The following CLASP2 variants were observed in gnomAD, a reference collection of about 807,000 sequenced individuals.
CLASP2 encodes the protein CLIP-associating protein 2.
In CLASP2, 47 loss-of-function variants were observed where a neutral mutation model predicts 194.4. The observed-to-expected ratio is 0.24, with a 90% confidence interval of 0.19 to 0.31. The LOEUF is 0.31. Ranked by LOEUF, CLASP2 falls within the 10% of genes least tolerant of loss-of-function variation. The probability of loss-of-function intolerance (pLI) is 1.00; values close to 1 mark genes in which losing one functional copy is unlikely to be tolerated. For missense variants in CLASP2, 1,445 were observed against 1,823.6 expected (o/e 0.79, Z 3.78); for synonymous variants, 619 against 633.5 (o/e 0.98, Z 0.34).
At chr3:33,577,209 C>G in intron 23 of CLASP2, 1 of 1,596,812 alleles carries the variant, frequency 6.3e-7, no homozygotes. Flanking sequence ...CACCTGAGGC[C>G]CCATACACTT....
intron 25 of CLASP2, among the ~76,000 whole-genome samples, chr3:33,571,493 G>A (rs937948174): frequency 6.6e-6 from 1 of 151,854 alleles, no homozygotes; most frequent in East Asian, 2.0e-4. Flanking sequence ...AGCTGCGCTG[G>A]TCATGGTGGC....
At chr3:33,687,184 A>G (rs1276104422) in intron 4 of CLASP2, 49 bp from the exon 5 acceptor site, 1 of 1,197,050 alleles carries the variant, frequency 8.4e-7, no homozygotes, top group Non-Finnish European at 1.2e-6. Context: ...TTTAATAAAC[A>G]GTAAACAAAA....
chr3:33,517,291 G>C, intron 34 of CLASP2, 117 bp from the exon 35 acceptor site: 1 of 793,872 alleles, frequency 1.3e-6, no homozygotes, highest in Non-Finnish European at 1.8e-6. Flanking sequence ...CTGTAAAAAA[G>C]ACAAAGAAAA....
intron 36 of CLASP2, among the ~76,000 whole-genome samples, chr3:33,513,872 G>T (rs2154096106): frequency 6.6e-6 from 1 of 152,174 alleles, no homozygotes; most frequent in Middle Eastern, 3.4e-3. Context: ...TATATATTAT[G>T]GATATTAGTA....
intron 2 of CLASP2, among the ~76,000 whole-genome samples, chr3:33,692,192 A>G (rs987737180): frequency 2.6e-5 from 4 of 152,098 alleles, no homozygotes; most frequent in Non-Finnish European, 4.4e-5. Context: ...ATAAATAAAT[A>G]AATATCTATA....
At position 33,604,192 on chromosome 3, in the gene CLASP2, T is replaced by G; in HGVS notation, c.1712A>C (p.Lys571Thr). The G allele has an allele frequency of 1.3e-6, 2 of 1,560,304 alleles. No individual in the cohort carries two copies. Among genetic ancestry groups the G allele is most frequent in the Non-Finnish European group, 1.7e-6 (2 of 1,151,020 alleles). ...QESLNRPFSS[K>T]WSTANPSTVA... ...AGTTGATGGATTTGCTGTAGACCATTTGGAAGAAAAAGGGCGACTGCAAAG... is the reference window on the plus strand; with the variant it reads ...AGTTGATGGATTTGCTGTAGACCATGTGGAAGAAAAAGGGCGACTGCAAAG... The change falls in exon 17 of 39, where the codon AAA becomes ACA. Residue 571 changes from lysine to threonine, a missense_variant. This residue lies in a region of CLASP2 where 174 missense variants were observed against 179.0 expected (regional missense o/e 0.97). Transcript: ENST00000682230.
At chr3:33,657,987 A>C (rs1170504186) in intron 7 of CLASP2, among the ~76,000 whole-genome samples, 1 of 152,190 alleles carries the variant, frequency 6.6e-6, no homozygotes, top group African/African-American at 2.4e-5. Flanking sequence ...CTGGCAAAAA[A>C]ACACTCAAAA....
At chr3:33,513,302 G>A (rs1263970990) in intron 36 of CLASP2, among the ~76,000 whole-genome samples, 1 of 152,172 alleles carries the variant, frequency 6.6e-6, no homozygotes, top group Non-Finnish European at 1.5e-5. Flanking sequence ...ACTCTGGGAG[G>A]CCAAGCCAGG....
At chr3:33,570,988 C>A (rs964176105) in intron 25 of CLASP2, among the ~76,000 whole-genome samples, 198 bp from the exon 26 acceptor site, 2 of 147,304 alleles carry the variant, frequency 1.4e-5, no homozygotes, top group African/African-American at 5.0e-5. Context: ...TCAGCATGGG[C>A]AAGATGGCAA....
At chr3:33,538,120 G>A (rs954966097) in intron 33 of CLASP2, among the ~76,000 whole-genome samples, 17 of 146,482 alleles carry the variant, frequency 1.2e-4, no homozygotes, top group African/African-American at 1.8e-4. Flanking sequence ...CAGCCTGGGC[G>A]ACAGAGCGAG....
chr3:33,590,832 T>G (rs1051976196), intron 21 of CLASP2, among the ~76,000 whole-genome samples: 6 of 152,154 alleles, frequency 3.9e-5, no homozygotes, highest in Non-Finnish European at 8.8e-5. Flanking sequence ...GACATCCATA[T>G]CCTAATAAAT....
rs1341580091 is a variant in CLASP2, at chr3:33,684,369, G to A, written c.634C>T (p.Pro212Ser). 1.5e-5 allele frequency: 24 copies of A among 1,580,350 alleles called. No homozygotes were observed. Among genetic ancestry groups the A allele is most frequent in the Admixed American group, 1.8e-5 (1 of 56,198 alleles). The change falls in exon 6 of 39, where the codon CCC becomes TCC. Residue 212 changes from proline to serine, a missense_variant. Transcript: ENST00000682230. ...VRMDLYKRGI[P>S]PARLEMIFAK... ...TTTAGCAAGACTTACCTAGCAGGGG[G>A]AATTCCTCTCTTATAAAGATCCATC...
Position 33,576,752 on chromosome 3 carries a change from T to C in CLASP2, c.2348-477A>G, listed in dbSNP as rs113203258. Among the ~76,000 whole-genome samples, 696 of 152,302 alleles carry C rather than the reference T, an allele frequency of 4.6e-3. 7 individuals carry two copies. The highest frequency in any genetic ancestry group is 0.016 in the African/African-American group (660 of 41,562). On this transcript the variant is annotated intron_variant, in intron 23 of 38. Transcript: ENST00000682230. Reference sequence around the variant, plus strand: ...CCTTCAAGATAAGTGGGTTTTATTCTACAACTAAGAGACATCCATTTGATA... The same window carrying C: ...CCTTCAAGATAAGTGGGTTTTATTCCACAACTAAGAGACATCCATTTGATA...
chr3:33,511,750 A>AG (rs2049909037), intron 36 of CLASP2, among the ~76,000 whole-genome samples: 1 of 127,772 alleles, frequency 7.8e-6, no homozygotes. Context: ...GGCGAAGGAC[A>AG]TGAACAGACA....
intron 23 of CLASP2, among the ~76,000 whole-genome samples, chr3:33,581,019 AAAAAAAAAAAAAG>A (rs1444425279): frequency 4.0e-5 from 6 of 149,336 alleles, no homozygotes; most frequent in Admixed American, 6.6e-5. Flanking sequence ...CCGTCTCAAA[AAAAAAAAAAAAAG>A]AAAGAAAGAA....
At chr3:33,518,379 G>A (rs1207368945) in intron 34 of CLASP2, among the ~76,000 whole-genome samples, 1 of 152,122 alleles carries the variant, frequency 6.6e-6, no homozygotes, top group East Asian at 1.9e-4. Flanking sequence ...CAAAATACCA[G>A]AGTTCCTCTT....
At chr3:33,527,895 G>A (rs1451092054) in intron 34 of CLASP2, among the ~76,000 whole-genome samples, 4 of 152,124 alleles carry the variant, frequency 2.6e-5, no homozygotes, top group African/African-American at 9.7e-5. Context: ...CCCAGAAGGT[G>A]GAAGTTGCAG....
intron 6 of CLASP2, among the ~76,000 whole-genome samples, chr3:33,680,477 C>T (rs1211210769): frequency 6.6e-6 from 1 of 152,166 alleles, no homozygotes; most frequent in Non-Finnish European, 1.5e-5. Context: ...AATCTCTGTA[C>T]CTTCACTTAA....
At chr3:33,637,731 C>A (rs149711665) in intron 8 of CLASP2, among the ~76,000 whole-genome samples, 1 of 152,082 alleles carries the variant, frequency 6.6e-6, no homozygotes, top group Non-Finnish European at 1.5e-5. Flanking sequence ...AACGAATCAT[C>A]GTTTTTTACC....
Sources: allele counts gnomAD v4.1 joint callset (sites outside exome capture counted in the v4.1 genomes callset), GRCh38; gene constraint gnomAD v4.1.1; regional missense constraint gnomAD v4.1.1; transcripts MANE v1.5; gene names NCBI Gene and HGNC (gene_info 2026-07-23, HGNC 2026-07-21).